RBMS3: variants seen among roughly 807,000 people sequenced by gnomAD.
RBMS3 encodes RNA-binding motif, single-stranded-interacting protein 3.
RBMS3 carries 27 observed loss-of-function variants against 66.8 expected under a neutral mutation model. The ratio of observed to expected loss-of-function variants is 0.40; its 90% CI spans 0.30 to 0.56. The LOEUF is 0.56. RBMS3 is among the 20% of genes least tolerant of loss of function. The pLI is 0.40. For missense variants in RBMS3, 513 were observed against 549.5 expected (o/e 0.93, Z 0.66); for synonymous variants, 188 against 183.0 (o/e 1.03, Z -0.22).
intron 1 of RBMS3, among the ~76,000 whole-genome samples, chr3:29,380,598 C>CTATATCT (rs2038718192): frequency 6.6e-6 from 1 of 152,086 alleles, no homozygotes; most frequent in Non-Finnish European, 1.5e-5. Context: ...GAAACTGAGT[C>CTATATCT]ATAGAGGGAT....
chr3:29,790,496 T>C (rs2056971727), intron 6 of RBMS3, among the ~76,000 whole-genome samples: 1 of 152,174 alleles, frequency 6.6e-6, no homozygotes, highest in East Asian at 1.9e-4. Context: ...ATAGTCCTTG[T>C]ATAGTCATTA....
At chr3:29,558,695 G>A (rs576929603) in intron 3 of RBMS3, among the ~76,000 whole-genome samples, 28 of 152,052 alleles carry the variant, frequency 1.8e-4, no homozygotes, top group African/African-American at 4.3e-4. Context: ...AAGGTAATTC[G>A]TCATCACAAT....
chr3:29,857,539 G>T (rs1219845859), intron 6 of RBMS3, among the ~76,000 whole-genome samples: 2 of 141,392 alleles, frequency 1.4e-5, no homozygotes, highest in Non-Finnish European at 1.5e-5. Context: ...GTGGAAATGT[G>T]GGGACTCTAT....
chr3:29,694,776 A>T (rs77782820), intron 4 of RBMS3, among the ~76,000 whole-genome samples: 1 of 152,204 alleles, frequency 6.6e-6, no homozygotes, highest in Non-Finnish European at 1.5e-5. Context: ...AATAAAAAAA[A>T]TTAAAAACTG....
chr3:29,951,659 A>C (rs1388657345), intron 12 of RBMS3, among the ~76,000 whole-genome samples: 1 of 151,688 alleles, frequency 6.6e-6, no homozygotes, highest in East Asian at 1.9e-4. Flanking sequence ...CATTAATCTT[A>C]TATTTGCTAT....
chr3:29,899,261 T>C (rs1345408992), intron 9 of RBMS3, among the ~76,000 whole-genome samples: 2 of 151,754 alleles, frequency 1.3e-5, no homozygotes, highest in Non-Finnish European at 2.9e-5. Flanking sequence ...CTTTTACCAC[T>C]TGGACATATT....
At chr3:29,511,816 A>C (rs949010524) in intron 3 of RBMS3, among the ~76,000 whole-genome samples, 1 of 152,122 alleles carries the variant, frequency 6.6e-6, no homozygotes, top group African/African-American at 2.4e-5. Context: ...CTTGGGAAAA[A>C]AATGAAAGCA....
intron 9 of RBMS3, 93 bp from the exon 10 acceptor site, chr3:29,899,612 C>T: frequency 1.9e-6 from 2 of 1,074,838 alleles, no homozygotes; most frequent in Admixed American, 2.2e-5. Context: ...AGGTGGACTC[C>T]ACTTTCTTAT....
At chr3:29,353,365 GT>G (rs2037036623) in intron 1 of RBMS3, among the ~76,000 whole-genome samples, 1 of 151,912 alleles carries the variant, frequency 6.6e-6, no homozygotes, top group Non-Finnish European at 1.5e-5. Flanking sequence ...ATTATCAGGA[GT>G]TTTTTATTAT....
At chr3:29,864,694 G>C (rs534467143) in intron 6 of RBMS3, among the ~76,000 whole-genome samples, 146 of 152,092 alleles carry the variant, frequency 9.6e-4, no homozygotes, top group Admixed American at 1.8e-3. Context: ...AACAGATTCA[G>C]TATTTATTTA....
chr3:29,701,863 C>T (rs1007823399), intron 4 of RBMS3, among the ~76,000 whole-genome samples: 1 of 148,776 alleles, frequency 6.7e-6, no homozygotes, highest in South Asian at 2.1e-4. Context: ...ACCGAGGAGC[C>T]CCACCCCCTG....
intron 1 of RBMS3, among the ~76,000 whole-genome samples, chr3:29,302,097 G>A (rs1419729041): frequency 6.6e-6 from 1 of 151,902 alleles, no homozygotes; most frequent in Non-Finnish European, 1.5e-5. Flanking sequence ...GCAGCCTTGA[G>A]CTTCTGGGTT....
intron 11 of RBMS3, among the ~76,000 whole-genome samples, chr3:29,937,234 C>G (rs1009358441): frequency 6.6e-6 from 1 of 151,832 alleles, no homozygotes; most frequent in African/African-American, 2.4e-5. Context: ...AAGTATTAAA[C>G]TTGATCATAT....
At chr3:29,982,629 G>A (rs181234657) in intron 12 of RBMS3, among the ~76,000 whole-genome samples, 1 of 151,990 alleles carries the variant, frequency 6.6e-6, no homozygotes, top group Non-Finnish European at 1.5e-5. Context: ...GTTCTCATTG[G>A]TTCAAAGAAG....
intron 4 of RBMS3, among the ~76,000 whole-genome samples, chr3:29,650,672 G>C (rs958426595): frequency 6.6e-6 from 1 of 152,090 alleles, no homozygotes; most frequent in Non-Finnish European, 1.5e-5. Flanking sequence ...GCCTGACAAG[G>C]TACTTGCCCG....
chr3:29,931,531 G>T (rs2061124720), intron 10 of RBMS3, among the ~76,000 whole-genome samples: 1 of 152,142 alleles, frequency 6.6e-6, no homozygotes, highest in Admixed American at 6.6e-5. Context: ...AATTTATCAA[G>T]GTAGATAAGG....
At chr3:29,585,689 A>G (rs2047493494) in intron 3 of RBMS3, among the ~76,000 whole-genome samples, 1 of 152,012 alleles carries the variant, frequency 6.6e-6, no homozygotes, top group East Asian at 1.9e-4. Context: ...CTTGACTATT[A>G]CTTCCACTTT....
chr3:29,371,007 T>C (rs1055925238), intron 1 of RBMS3, among the ~76,000 whole-genome samples: 3 of 152,202 alleles, frequency 2.0e-5, no homozygotes, highest in Non-Finnish European at 2.9e-5. Context: ...AATGTCATGA[T>C]TGCTAATGTC....
chr3:29,525,281 A>G (rs1385009454), intron 3 of RBMS3, among the ~76,000 whole-genome samples: 1 of 152,180 alleles, frequency 6.6e-6, no homozygotes, highest in Non-Finnish European at 1.5e-5. Flanking sequence ...AAAATGAAAA[A>G]ATAAAAATAA....
Sources: gnomAD v4.1 joint callset for allele counts (sites outside exome capture counted in the v4.1 genomes callset) on GRCh38, gnomAD v4.1.1 for gene constraint, MANE v1.5 for transcripts, NCBI Gene and HGNC (gene_info 2026-07-23, HGNC 2026-07-21) for gene names.